The following DGKH variants were observed in gnomAD, a reference collection of about 807,000 sequenced individuals.
DGKH encodes diacylglycerol kinase eta, also known as DAG kinase eta.
DGKH carries 90 observed loss-of-function variants against 159.3 expected under a neutral mutation model. The ratio of observed to expected loss-of-function variants is 0.57; its 90% CI spans 0.48 to 0.67. The LOEUF is 0.67. Among genes scored for constraint, DGKH ranks in the 30% least tolerant of loss-of-function variants. The probability of loss-of-function intolerance (pLI) is 0.00; values close to 1 mark genes in which losing one functional copy is unlikely to be tolerated. For synonymous variants in DGKH, 536 were observed against 553.8 expected (o/e 0.97, Z 0.45); for missense variants, 1,181 against 1,506.1 (o/e 0.78, Z 3.57).
At chr13:42,119,509 C>A (rs577324262) in intron 1 of DGKH, among the ~76,000 whole-genome samples, 186 of 152,312 alleles carry the variant, frequency 1.2e-3, no homozygotes, top group Non-Finnish European at 1.1e-3. Flanking sequence ...TGAGATGGCT[C>A]TTCCATGACA....
chr13:42,114,403 A>G (rs1464569069), intron 1 of DGKH, among the ~76,000 whole-genome samples: 1 of 151,988 alleles, frequency 6.6e-6, no homozygotes, highest in Non-Finnish European at 1.5e-5. Context: ...GTGTTCATTC[A>G]TTCATTTGTT....
intron 1 of DGKH, among the ~76,000 whole-genome samples, chr13:42,079,275 T>C (rs1954156958): frequency 6.6e-6 from 1 of 152,172 alleles, no homozygotes; most frequent in African/African-American, 2.4e-5. Flanking sequence ...CACAAAGTTA[T>C]TTGTATATTT....
At chr13:42,095,052 C>T (rs1369590552) in intron 1 of DGKH, among the ~76,000 whole-genome samples, 1 of 151,926 alleles carries the variant, frequency 6.6e-6, no homozygotes, top group African/African-American at 2.4e-5. Flanking sequence ...GCGGTGGGTC[C>T]TCCTGAGACG....
At chr13:42,101,732 A>G (rs933277308) in intron 1 of DGKH, among the ~76,000 whole-genome samples, 2 of 151,958 alleles carry the variant, frequency 1.3e-5, no homozygotes, top group African/African-American at 4.8e-5. Flanking sequence ...GGGAACAGGT[A>G]ACGTCCAAGT....
intron 30 of DGKH, among the ~76,000 whole-genome samples, chr13:42,253,779 A>T (rs992223514): frequency 6.6e-6 from 1 of 152,230 alleles, no homozygotes; most frequent in Non-Finnish European, 1.5e-5. Context: ...CTGCATTTGC[A>T]GTTATTTACA....
intron 17 of DGKH, among the ~76,000 whole-genome samples, chr13:42,196,456 T>G (rs1031787099): frequency 6.6e-6 from 1 of 152,216 alleles, no homozygotes; most frequent in Non-Finnish European, 1.5e-5. Flanking sequence ...TGGAATATTA[T>G]CTACCCATTA....
At chr13:42,112,284 C>CTT (rs58307947) in intron 1 of DGKH, among the ~76,000 whole-genome samples, 46,126 of 122,538 alleles carry the variant, frequency 0.38, 9,856 homozygotes, top group Non-Finnish European at 0.43. Context: ...AGCCTTGTGG[C>CTT]TTTTTTTTTT....
At chr13:42,093,405 T>G (rs1379685324) in intron 1 of DGKH, among the ~76,000 whole-genome samples, 1 of 152,154 alleles carries the variant, frequency 6.6e-6, no homozygotes, top group Non-Finnish European at 1.5e-5. Flanking sequence ...GGGACCCTTC[T>G]GCACTGACGT....
chr13:42,088,761 C>T (rs756651353), intron 1 of DGKH, among the ~76,000 whole-genome samples: 128 of 152,070 alleles, frequency 8.4e-4, no homozygotes, highest in Non-Finnish European at 1.6e-3. Flanking sequence ...TAGATTTAAA[C>T]CTAATTATAT....
chr13:42,209,539 A>T, intron 23 of DGKH, 74 bp downstream of exon 23: 1 of 1,412,890 alleles, frequency 7.1e-7, no homozygotes, highest in Non-Finnish European at 9.4e-7. Context: ...AAAAAATAGA[A>T]AATGAAAACA....
intron 12 of DGKH, among the ~76,000 whole-genome samples, chr13:42,174,409 T>C (rs970678865): frequency 6.6e-6 from 1 of 152,106 alleles, no homozygotes; most frequent in African/African-American, 2.4e-5. Flanking sequence ...ATGTGTAAAG[T>C]GAGGCTACAA....
intron 1 of DGKH, among the ~76,000 whole-genome samples, chr13:42,085,961 C>A (rs1401521690): frequency 6.6e-6 from 1 of 151,912 alleles, no homozygotes; most frequent in African/African-American, 2.4e-5. Context: ...TACTCTGTTG[C>A]CTAGGCTGGA....
At chr13:42,121,173 T>C (rs778006227) in intron 1 of DGKH, among the ~76,000 whole-genome samples, 1 of 152,138 alleles carries the variant, frequency 6.6e-6, no homozygotes, top group Non-Finnish European at 1.5e-5. Context: ...AATTTTCTGA[T>C]ATGAAAGCAG....
In DGKH at chr13:42,231,717, C is replaced by T. The variant is rs993299843; in HGVS notation, c.*2529C>T. 3 of 152,066 alleles carry T rather than the reference C, an allele frequency of 2.0e-5. No individual in the cohort carries two copies. The highest frequency in any genetic ancestry group is 7.2e-5 in the African/African-American group (3 of 41,400). The allele number at this position is 152,066 out of a possible 1,614,324, so 9.4% of individuals were successfully genotyped here. On this transcript the variant is annotated 3_prime_UTR_variant, in exon 30 of 30. Coordinates refer to ENST00000337343, the MANE Select transcript of DGKH (RefSeq NM_178009.5). ...AAATTTAAGAGTGTGATGTGAAGGA[C>T]TGAATTTTTGTTTGTTCGTTTGGTG...
intron 1 of DGKH, among the ~76,000 whole-genome samples, chr13:42,121,066 TACACACACACAC>T (rs377628213): frequency 1.4e-5 from 2 of 144,734 alleles, no homozygotes; most frequent in Non-Finnish European, 3.1e-5. Context: ...ATATATATTA[TACACACACACAC>T]ACACACACAC....
At chr13:42,148,547 C>T (rs895273534) in intron 3 of DGKH, among the ~76,000 whole-genome samples, 6 of 152,194 alleles carry the variant, frequency 3.9e-5, no homozygotes, top group Admixed American at 1.3e-4. Flanking sequence ...ATAAGAGTCT[C>T]CCACCACGGC....
intron 3 of DGKH, among the ~76,000 whole-genome samples, chr13:42,133,848 A>G (rs771366078): frequency 4.6e-5 from 7 of 152,242 alleles, no homozygotes; most frequent in Non-Finnish European, 7.3e-5. Flanking sequence ...ACATGTTTTC[A>G]ACCAGTAATT....
chr13:42,199,580 A>G lies in DGKH; in HGVS notation c.2300A>G (p.Glu767Gly). The G allele has an allele frequency of 6.3e-7, 1 of 1,587,630 alleles. No individual in the cohort carries two copies. The highest frequency in any genetic ancestry group is 8.5e-7 in the Non-Finnish European group (1 of 1,171,062). Residue 767 changes from glutamate (E) to glycine (G), a missense_variant, in exon 19 of 30, where the codon GAA becomes GGA. Physicochemically the swap from Glu to Gly is moderately conservative, Grantham distance 98. Transcript: ENST00000337343. ...TGTGATCATAGAGATGGATATTCAG[A>G]AAAATGTGTCATGAACAATTACTTT... ...PDLDSVDGYS[E>G]KCVMNNYFGI...
At chr13:42,042,061 C>G (rs1039684868) in intron 1 of DGKH, among the ~76,000 whole-genome samples, 1 of 152,216 alleles carries the variant, frequency 6.6e-6, no homozygotes, top group African/African-American at 2.4e-5. Flanking sequence ...TCAGAAGCGT[C>G]CTTCGACTCT....
Sources: allele counts gnomAD v4.1 joint callset (sites outside exome capture counted in the v4.1 genomes callset), GRCh38; gene constraint gnomAD v4.1.1; transcripts MANE v1.5; gene names NCBI Gene and HGNC (gene_info 2026-07-23, HGNC 2026-07-21).